STON2: variants seen among roughly 807,000 people sequenced by gnomAD.
The protein encoded by STON2 is stonin-2.
A neutral mutation model predicts 65.7 loss-of-function variants in STON2; 29 were observed. That is an observed-to-expected ratio of 0.44 (90% CI 0.33 to 0.60). The LOEUF is 0.60. STON2 is among the 20% of genes least tolerant of loss of function. The pLI, the probability that STON2 is intolerant of heterozygous loss-of-function variation, is 0.03. For missense variants in STON2, 1,054 were observed against 1,118.1 expected, an observed-to-expected ratio of 0.94 and a Z score of 0.82; for synonymous variants, 404 against 414.2, an observed-to-expected ratio of 0.98 and a Z score of 0.30.
At chr14:81,309,165 C>A (rs1488951423) in intron 5 of STON2, among the ~76,000 whole-genome samples, 2 of 151,604 alleles carry the variant, frequency 1.3e-5, no homozygotes, top group Non-Finnish European at 2.9e-5. Flanking sequence ...ATACTTAACT[C>A]ACAGTACTGT....
intron 3 of STON2, among the ~76,000 whole-genome samples, chr14:81,384,989 C>G (rs1405191801): frequency 6.6e-6 from 1 of 152,156 alleles, no homozygotes; most frequent in Non-Finnish European, 1.5e-5. Context: ...CAGAGGAGCT[C>G]TTGTTCACTC....
intron 4 of STON2, among the ~76,000 whole-genome samples, chr14:81,343,532 C>T (rs904656223): frequency 5.4e-5 from 8 of 148,224 alleles, no homozygotes; most frequent in Non-Finnish European, 9.0e-5. Flanking sequence ...CAAAGCATAT[C>T]GGGTGAGCCC....
At chr14:81,400,427 T>C (rs1900545558), upstream of STON2, among the ~76,000 whole-genome samples, 1 of 138,696 alleles carries the variant, frequency 7.2e-6, no homozygotes, top group African/African-American at 2.8e-5. Context: ...AAGAGTCAGA[T>C]TCCTCCTCTT....
intron 3 of STON2, among the ~76,000 whole-genome samples, chr14:81,385,502 C>A (rs1899756229): frequency 1.3e-5 from 2 of 152,044 alleles, no homozygotes; most frequent in Admixed American, 6.5e-5. Context: ...GTGTGTGGAA[C>A]AATGGGAAAT....
chr14:81,409,303 G>A (rs974352146), intron 2 of STON2, among the ~76,000 whole-genome samples: 5 of 151,930 alleles, frequency 3.3e-5, no homozygotes, highest in African/African-American at 1.2e-4. Flanking sequence ...TACTCGGGAG[G>A]CTGAGGCAGG....
intron 1 of STON2, among the ~76,000 whole-genome samples, chr14:81,431,427 CAGG>C (rs1182777796): frequency 6.6e-6 from 1 of 152,144 alleles, no homozygotes; most frequent in East Asian, 1.9e-4. Context: ...CACTTGCGGT[CAGG>C]AGTTCGAGAC....
intron 5 of STON2, among the ~76,000 whole-genome samples, chr14:81,305,256 G>A (rs1277740501): frequency 1.3e-5 from 2 of 152,174 alleles, no homozygotes; most frequent in Non-Finnish European, 2.9e-5. Flanking sequence ...CTTCTGTCTT[G>A]GGTACTCAGG....
chr14:81,343,043 C>T (rs922216979), intron 4 of STON2, among the ~76,000 whole-genome samples: 15 of 152,224 alleles, frequency 9.9e-5, no homozygotes, highest in African/African-American at 3.4e-4. Flanking sequence ...ATGCTTCCTC[C>T]AGGAATATCA....
intron 6 of STON2, among the ~76,000 whole-genome samples, chr14:81,275,573 A>G (rs1304052465): frequency 3.3e-5 from 5 of 152,166 alleles, no homozygotes; most frequent in African/African-American, 1.2e-4. Context: ...CACCAGCAGA[A>G]GACAGTGCTG....
At chr14:81,328,863 T>C (rs187327761) in intron 4 of STON2, among the ~76,000 whole-genome samples, 175 of 152,216 alleles carry the variant, frequency 1.1e-3, no homozygotes, top group African/African-American at 3.6e-3. Flanking sequence ...CATGCCAGCT[T>C]CCCTTGTGCT....
intron 5 of STON2, among the ~76,000 whole-genome samples, chr14:81,319,355 G>C (rs74066405): frequency 0.014 from 2,165 of 151,936 alleles, 60 homozygotes; most frequent in African/African-American, 0.049. Flanking sequence ...TCAAAGCAAG[G>C]TCCTATTACA....
intron 1 of STON2, among the ~76,000 whole-genome samples, chr14:81,435,670 C>CGCACACACACGCACGAAT (rs1255345953): frequency 6.6e-6 from 1 of 151,930 alleles, no homozygotes. Context: ...CACACGGACG[C>CGCACACACACGCACGAAT]GCACACACAC....
chr14:81,398,157 T>C (rs1595442592), intron 2 of STON2, 138 bp downstream of exon 2: 1 of 609,046 alleles, frequency 1.6e-6, no homozygotes, highest in Non-Finnish European at 2.7e-6. Flanking sequence ...GATTCTAAGA[T>C]CTCAAGAAAG....
At chr14:81,416,690 G>T (rs1271421497) in intron 2 of STON2, among the ~76,000 whole-genome samples, 1 of 152,176 alleles carries the variant, frequency 6.6e-6, no homozygotes, top group East Asian at 1.9e-4. Context: ...TGCTGGTGTG[G>T]CCAAGTCATC....
At chr14:81,398,801 A>G (rs1303744102) in intron 1 of STON2, among the ~76,000 whole-genome samples, 1 of 152,198 alleles carries the variant, frequency 6.6e-6, no homozygotes, top group Non-Finnish European at 1.5e-5. Flanking sequence ...ACACTTGCAA[A>G]TAATTACACA....
At chr14:81,369,339 T>G (rs1396108092) in intron 4 of STON2, among the ~76,000 whole-genome samples, 1 of 152,212 alleles carries the variant, frequency 6.6e-6, no homozygotes, top group East Asian at 1.9e-4. Context: ...TTATAAGCTG[T>G]GGAGGCAGAC....
At chr14:81,328,251 T>C (rs1897071660) in intron 4 of STON2, among the ~76,000 whole-genome samples, 2 of 152,124 alleles carry the variant, frequency 1.3e-5, no homozygotes. Flanking sequence ...TAGTTCAAGA[T>C]CCTGGGAATA....
chr14:81,333,389 G>T, intron 4 of STON2: 1 of 434,648 alleles, frequency 2.3e-6, no homozygotes, highest in Non-Finnish European at 4.2e-6. Context: ...AGACAGCCAG[G>T]GAGGCTATTC....
chr14:81,281,645 G>C (rs1895125959), intron 5 of STON2, among the ~76,000 whole-genome samples: 3 of 152,164 alleles, frequency 2.0e-5, no homozygotes, highest in Admixed American at 2.0e-4. Context: ...CCTCAAAACA[G>C]CCCTTCTCAT....
Sources: allele counts gnomAD v4.1 joint callset (sites outside exome capture counted in the v4.1 genomes callset), GRCh38; gene constraint gnomAD v4.1.1; transcripts MANE v1.5; gene names NCBI Gene and HGNC (gene_info 2026-07-23, HGNC 2026-07-21).